TBC1D5: variants seen among roughly 807,000 people sequenced by gnomAD.
TBC1D5 encodes the protein TBC1 domain family, member 5.
TBC1D5 carries 75 observed loss-of-function variants against 100.3 expected under a neutral mutation model. That is an observed-to-expected ratio of 0.75 (90% CI 0.62 to 0.91). TBC1D5 has a LOEUF of 0.91. Among genes scored for constraint, TBC1D5 ranks in the 40% least tolerant of loss-of-function variants. TBC1D5 has a pLI of 0.00. For missense variants in TBC1D5, 910 were observed against 942.4 expected (o/e 0.97, Z 0.45); for synonymous variants, 323 against 325.6 (o/e 0.99, Z 0.09).
chr3:17,355,239 T>C (rs2091099894), intron 13 of TBC1D5, among the ~76,000 whole-genome samples: 1 of 152,168 alleles, frequency 6.6e-6, no homozygotes, highest in African/African-American at 2.4e-5. Context: ...CCTGCTATAG[T>C]AGCCCAGGGT....
At chr3:17,508,325 T>C (rs1024096665) in intron 3 of TBC1D5, 149 bp downstream of exon 3, 3 of 549,424 alleles carry the variant, frequency 5.5e-6, no homozygotes, top group African/African-American at 3.8e-5. Flanking sequence ...AAGAGTGCTC[T>C]GTACATATCC....
intron 2 of TBC1D5, among the ~76,000 whole-genome samples, chr3:17,603,195 A>G (rs1412317745): frequency 2.1e-5 from 3 of 145,270 alleles, no homozygotes; most frequent in African/African-American, 7.7e-5. Flanking sequence ...TTGCTCTGTC[A>G]CCCAGGCTGG....
intron 1 of TBC1D5, among the ~76,000 whole-genome samples, chr3:17,653,371 C>G (rs892509575): frequency 2.6e-5 from 4 of 152,110 alleles, no homozygotes; most frequent in Admixed American, 2.6e-4. Flanking sequence ...TCATTTACCA[C>G]TGGTATGATA....
At chr3:17,182,326 C>G (rs2068545639) in intron 19 of TBC1D5, among the ~76,000 whole-genome samples, 1 of 152,168 alleles carries the variant, frequency 6.6e-6, no homozygotes, top group Non-Finnish European at 1.5e-5. Flanking sequence ...GTGAAACGTA[C>G]ACACAAAAAC....
chr3:17,349,221 T>C (rs2090265997), intron 13 of TBC1D5, among the ~76,000 whole-genome samples: 1 of 152,200 alleles, frequency 6.6e-6, no homozygotes, highest in South Asian at 2.1e-4. Flanking sequence ...TCACAAACTT[T>C]ACTGTACATC....
chr3:17,736,552 T>C (rs1250039373), intron 1 of TBC1D5, among the ~76,000 whole-genome samples: 1 of 152,154 alleles, frequency 6.6e-6, no homozygotes, highest in Non-Finnish European at 1.5e-5. Context: ...CCATCTCCTA[T>C]CAACTCCACG....
chr3:17,161,249 G>A, exon 22 of TBC1D5: 1 of 1,610,978 alleles, frequency 6.2e-7, no homozygotes, highest in Non-Finnish European at 8.5e-7. Context: ...TGGCGTTTCT[G>A]AAGAGGCCTG....
chr3:17,483,237 C>A (rs2095521194), intron 3 of TBC1D5, among the ~76,000 whole-genome samples: 1 of 152,110 alleles, frequency 6.6e-6, no homozygotes, highest in African/African-American at 2.4e-5. Context: ...ATAAGAACTG[C>A]AAGTTGTTAT....
chr3:17,738,443 C>T (rs1427741707), intron 1 of TBC1D5, among the ~76,000 whole-genome samples: 1 of 152,058 alleles, frequency 6.6e-6, no homozygotes, highest in Non-Finnish European at 1.5e-5. Flanking sequence ...TATTATTTTC[C>T]CCATTTTAAA....
Position 17,690,201 on chromosome 3 carries a change from C to CTT in TBC1D5, c.-101+49141_-101+49142insAA, listed in dbSNP as rs1560473193. ...AAGAGAACTGAAGCATAAAAATAGCCATATTTTTTTTTTTTTTTTTTTTTT... is the reference window on the plus strand; with the variant it reads ...AAGAGAACTGAAGCATAAAAATAGCCTTATATTTTTTTTTTTTTTTTTTTTTT... On this transcript the variant is annotated intron_variant, in intron 1 of 21. Transcript: ENST00000253692. 5.4e-4 allele frequency among the ~76,000 whole-genome samples: 41 copies of CTT among 75,726 alleles called. 1 individual carries two copies. Among genetic ancestry groups the CTT allele is most frequent in the African/African-American group, 1.8e-3 (41 of 22,272 alleles). 49.7% of individuals were successfully genotyped at this position (75,726 alleles called of 152,430 possible).
At chr3:17,734,087 T>C (rs2076776998) in intron 1 of TBC1D5, among the ~76,000 whole-genome samples, 1 of 152,176 alleles carries the variant, frequency 6.6e-6, no homozygotes. Context: ...AAATAATTAA[T>C]GCATAGGCAC....
chr3:17,181,083 G>C (rs1162221985), intron 19 of TBC1D5, among the ~76,000 whole-genome samples: 1 of 152,200 alleles, frequency 6.6e-6, no homozygotes, highest in Non-Finnish European at 1.5e-5. Flanking sequence ...CTGTACCCCA[G>C]TGCATAATGG....
Position 17,621,502 on chromosome 3 carries a change from G to A in TBC1D5, c.-36+2347C>T, listed in dbSNP as rs543505267. ...AGGAAGCACTGAAATATGTGATGGA[G>A]GACTGTCATGCACTTCAACTAACCA... On this transcript the variant is annotated intron_variant, in intron 2 of 21. Transcript: ENST00000253692. Among the ~76,000 whole-genome samples the A allele has an allele frequency of 6.6e-5, 10 of 152,278 alleles. No individual in the cohort carries two copies. The South Asian group carries it at 1.9e-3, about 28-fold the overall frequency.
At position 17,454,618 on chromosome 3, in the gene TBC1D5, C is replaced by T. The variant is rs377370819; in HGVS notation, c.98-26099G>A. ...GGGACTACAGGTGCCCGCCACCATG[C>T]CTGGTTAATTTTTTTGTATTTTTAG... is the stretch of plus-strand genomic sequence containing the variant. On this transcript the variant is annotated intron_variant, in intron 3 of 21. Transcript: ENST00000253692. 7.2e-5 allele frequency among the ~76,000 whole-genome samples: 11 copies of T among 152,170 alleles called. No individual in the cohort carries two copies. In the East Asian group the frequency reaches 1.9e-3, roughly 27 times the overall value.
intron 3 of TBC1D5, among the ~76,000 whole-genome samples, chr3:17,474,785 G>A (rs891545541): frequency 6.6e-5 from 10 of 152,198 alleles, no homozygotes; most frequent in South Asian, 2.1e-4. Context: ...GCAAGGACAC[G>A]TTAAGACTTA....
chr3:17,158,015 T>C (rs2065740941), exon 22 of TBC1D5: 2 of 152,246 alleles, frequency 1.3e-5, no homozygotes, highest in Non-Finnish European at 2.9e-5. Context: ...GGATTGCAGT[T>C]ACCTCTGAAC....
intron 2 of TBC1D5, chr3:17,518,844 C>G (rs1040929248): frequency 6.6e-6 from 1 of 152,334 alleles, no homozygotes; most frequent in Non-Finnish European, 1.5e-5. Context: ...CTATGGGGCC[C>G]GAAGTTTGCT....
chr3:17,577,034 GAAT>G (rs750641692), intron 2 of TBC1D5, among the ~76,000 whole-genome samples: 17 of 152,072 alleles, frequency 1.1e-4, no homozygotes, highest in Non-Finnish European at 2.1e-4. Flanking sequence ...TCTTGCCACT[GAAT>G]AATAAGAAAA....
At chr3:17,556,324 G>GT (rs1337209364) in intron 2 of TBC1D5, among the ~76,000 whole-genome samples, 1 of 152,038 alleles carries the variant, frequency 6.6e-6, no homozygotes, top group Non-Finnish European at 1.5e-5. Flanking sequence ...AGCCTAGTTT[G>GT]TTTTTAAGCC....
Sources: allele counts gnomAD v4.1 joint callset (sites outside exome capture counted in the v4.1 genomes callset), GRCh38; gene constraint gnomAD v4.1.1; transcripts MANE v1.5; gene names NCBI Gene and HGNC (gene_info 2026-07-23, HGNC 2026-07-21).